The following PHF13 variants were observed in gnomAD, a reference collection of about 807,000 sequenced individuals.
The protein encoded by PHF13 is PHD finger protein 13, also known as PHD zinc finger protein PHF5.
A neutral mutation model predicts 25.8 loss-of-function variants in PHF13; 1 was observed. That is an observed-to-expected ratio of 0.04 (90% CI 0.01 to 0.18). PHF13 has a LOEUF of 0.18. PHF13 is among the 10% of genes least tolerant of loss of function. The pLI is 1.00. For synonymous variants in PHF13, 195 were observed against 162.4 expected, an observed-to-expected ratio of 1.20 and a Z score of -1.53; for missense variants, 306 against 403.2, an observed-to-expected ratio of 0.76 and a Z score of 2.06.
rs944011689 is a variant in PHF13, at chr1:6,621,649, C to T, written c.*12C>T. The T allele has an allele frequency of 2.9e-5, 47 of 1,613,324 alleles. No homozygotes were observed. Among genetic ancestry groups the T allele is most frequent in the Non-Finnish European group, 3.6e-5 (42 of 1,179,482 alleles). ...TGTTCCTGGACTGACTGCTGGCTGG[C>T]GAGGAGGCTGCGAGCGTGGAATCGG... On this transcript the variant is annotated 3_prime_UTR_variant, in exon 4 of 4. Transcript: ENST00000377648. This position sits in a 1 kb window ranked among gnomAD's most constrained non-coding sequence, Gnocchi z 4.8.
At chr1:6,614,944 G>A (rs1380012160) in intron 1 of PHF13, among the ~76,000 whole-genome samples, 17 of 150,684 alleles carry the variant, frequency 1.1e-4, no homozygotes, top group Admixed American at 1.1e-3. Flanking sequence ...CGCCGGTCTC[G>A]CTGCCGCCCC....
intron 1 of PHF13, chr1:6,614,372 C>T (rs1323410394): frequency 8.7e-6 from 4 of 461,968 alleles, no homozygotes; most frequent in African/African-American, 4.2e-5. Context: ...ATTTCTCTCC[C>T]CCGGGCCGCC....
At position 6,613,900 on chromosome 1, in the gene PHF13, G is replaced by A; in HGVS notation, c.-167G>A. On this transcript the variant is annotated 5_prime_UTR_variant, in exon 1 of 4. Transcript: ENST00000377648. Reference sequence around the variant, plus strand: ...GTGGAACCGCCAGTCCGGGGTCACAGAGCTTGAGAAGCGACGCGCTGAGCC... The same window carrying A: ...GTGGAACCGCCAGTCCGGGGTCACAAAGCTTGAGAAGCGACGCGCTGAGCC... 1 of 530,970 alleles carries A rather than the reference G, an allele frequency of 1.9e-6. No homozygotes were observed. Among genetic ancestry groups the A allele is most frequent in the Non-Finnish European group, 3.3e-6 (1 of 304,916 alleles). 32.9% of individuals were successfully genotyped at this position (530,970 alleles called of 1,614,324 possible).
Position 6,613,975 on chromosome 1 carries a change from G to T in PHF13, c.-92G>T, listed in dbSNP as rs565720074. ...CCCCTCCCGGGTCCGCCCTCGCCCT[G>T]CGCAGCCGCCCGAGCCCCCAGCCCC... On this transcript the variant is annotated 5_prime_UTR_variant, in exon 1 of 4. Coordinates refer to ENST00000377648, the MANE Select transcript of PHF13 (RefSeq NM_153812.3). 2.2e-6 allele frequency: 2 copies of T among 898,656 alleles called. No individual in the cohort carries two copies. Among genetic ancestry groups the T allele is most frequent in the African/African-American group, 1.8e-5 (1 of 55,870 alleles). 55.7% of individuals were successfully genotyped at this position (898,656 alleles called of 1,614,324 possible).
rs1431495398 is a variant in PHF13, at chr1:6,623,183, C to G, written c.*1546C>G. 1 of 152,236 alleles carries G rather than the reference C, an allele frequency of 6.6e-6. No individual in the cohort carries two copies. Among genetic ancestry groups the G allele is most frequent in the Non-Finnish European group, 1.5e-5 (1 of 68,040 alleles). 9.4% of individuals were successfully genotyped at this position (152,236 alleles called of 1,614,324 possible). On this transcript the variant is annotated 3_prime_UTR_variant, in exon 4 of 4. Transcript: ENST00000377648. ...CTTCTCCCACTGAAGCACCAAGGGG[C>G]TTGAACCGTAATTTGGCTAATCAGA...
chr1:6,617,148 G>A (rs945417357), intron 2 of PHF13, among the ~76,000 whole-genome samples: 1 of 152,198 alleles, frequency 6.6e-6, no homozygotes, highest in African/African-American at 2.4e-5. Context: ...TGTCGCCCAG[G>A]CTGGAGTGCA....
intron 1 of PHF13, chr1:6,614,539 G>A (rs2148708587): frequency 6.2e-6 from 1 of 160,846 alleles, no homozygotes; most frequent in African/African-American, 2.4e-5. Flanking sequence ...CCTCGGACCG[G>A]GGTCGGCTCC....
rs1297189226 is a variant in PHF13 at position 6,616,770 on chromosome 1, G to C, written c.53G>C (p.Ser18Thr). ...TCCCCTTAATAGGAATACTCCCCCA[G>C]TTGCAAGAGGCGCAGGACCGTGGAA... ...AAFHPEEYSP[S>T]CKRRRTVEDF... The change falls in exon 2 of 4, where the codon AGT becomes ACT. Residue 18 changes from serine (S) to threonine (T), a missense_variant. Ser to Thr is a moderately conservative substitution (Grantham distance 58). Around this residue, in one of 5 missense-constraint regions of PHF13, gnomAD observed 31 missense variants for 23.9 expected, o/e 1.30. Coordinates refer to ENST00000377648, the MANE Select transcript of PHF13 (RefSeq NM_153812.3). 1.2e-6 allele frequency: 2 copies of C among 1,613,946 alleles called. No individual in the cohort carries two copies. The highest frequency in any genetic ancestry group is 1.7e-6 in the Non-Finnish European group (2 of 1,179,952).
rs1336920146 is a variant in PHF13, at chr1:6,621,309, A to C, written c.677-102A>C. 6.6e-6 allele frequency: 8 copies of C among 1,216,772 alleles called. No individual in the cohort carries two copies. The highest frequency in any genetic ancestry group is 1.9e-4 in the Middle Eastern group (1 of 5,340). The allele number at this position is 1,216,772 out of a possible 1,614,324, so 75.4% of individuals were successfully genotyped here. ...GTGTCAGCTTCGAGTGGCAGTTGGA[A>C]GTGTTCTCGTCAGTAGAGTTAATGG... On this transcript the variant is annotated intron_variant, in intron 3 of 3. Transcript: ENST00000377648. This position sits in a 1 kb window ranked among gnomAD's most constrained non-coding sequence, Gnocchi z 4.8.
At chr1:6,616,061 G>T (rs887092056) in intron 1 of PHF13, among the ~76,000 whole-genome samples, 1 of 121,986 alleles carries the variant, frequency 8.2e-6, no homozygotes, top group Non-Finnish European at 1.6e-5. Flanking sequence ...TGGAATCTTA[G>T]CTCTGTCTAC....
Position 6,616,613 on chromosome 1 carries a change from C to A in PHF13, c.40-144C>A, listed in dbSNP as rs527796666. The A allele has an allele frequency of 2.1e-5, 14 of 667,804 alleles. No individual in the cohort carries two copies. In the Admixed American group the frequency reaches 3.1e-4, roughly 15 times the overall value. 41.4% of individuals were successfully genotyped at this position (667,804 alleles called of 1,614,324 possible). On this transcript the variant is annotated intron_variant, in intron 1 of 3. Transcript: ENST00000377648. ...GTGTTATTTCTTGACCTGAACTTAC[C>A]GTATCTTGTTTGTGGACTGTGTAAA... is the stretch of plus-strand genomic sequence containing the variant.
chr1:6,616,942 T>G, intron 2 of PHF13, 84 bp downstream of exon 2: 1 of 1,150,880 alleles, frequency 8.7e-7, no homozygotes, highest in Middle Eastern at 1.9e-4. Flanking sequence ...TTCTGACTGG[T>G]CAGAGGGTCA....
At chr1:6,615,471 C>G (rs1469885985) in intron 1 of PHF13, among the ~76,000 whole-genome samples, 2 of 152,128 alleles carry the variant, frequency 1.3e-5, no homozygotes, top group South Asian at 4.1e-4. Flanking sequence ...TTTCTAAGGG[C>G]ACCGACTTTC....
Position 6,613,977 on chromosome 1 carries a change from G to T in PHF13, c.-90G>T. The stretch of plus-strand genomic sequence containing the variant: ...CCTCCCGGGTCCGCCCTCGCCCTGC[G>T]CAGCCGCCCGAGCCCCCAGCCCCGG... On this transcript the variant is annotated 5_prime_UTR_variant, in exon 1 of 4. Coordinates refer to ENST00000377648, the MANE Select transcript of PHF13 (RefSeq NM_153812.3). 1.1e-6 allele frequency: 1 copy of T among 911,240 alleles called. No individual in the cohort carries two copies. Among genetic ancestry groups the T allele is most frequent in the South Asian group, 1.5e-5 (1 of 66,112 alleles). The allele number at this position is 911,240 out of a possible 1,614,324, so 56.4% of individuals were successfully genotyped here.
rs544314417 is a variant in PHF13, at chr1:6,620,739, G to C, written c.676+402G>C. The stretch of plus-strand genomic sequence containing the variant: ...TGTCACTGCAAAAATACAAAAAAAG[G>C]CTGGGCGCAGTGGCTCATGCCTGTA... On this transcript the variant is annotated intron_variant, in intron 3 of 3. Coordinates refer to ENST00000377648, the MANE Select transcript of PHF13 (RefSeq NM_153812.3). Among the ~76,000 whole-genome samples the C allele has an allele frequency of 2.6e-4, 39 of 152,086 alleles. 1 individual carries two copies. The highest frequency in any genetic ancestry group is 5.4e-4 in the Non-Finnish European group (37 of 68,014).
In PHF13 at chr1:6,619,852, C is replaced by A; in HGVS notation, c.191C>A (p.Thr64Asn). 6.2e-7 allele frequency: 1 copy of A among 1,613,480 alleles called. No homozygotes were observed. Among genetic ancestry groups the A allele is most frequent in the Non-Finnish European group, 8.5e-7 (1 of 1,179,920 alleles). ...AGCCCTGCTAACAGCACTGCTGGTA[C>A]CATTGACAGCGACGGCTGGGACGCG... ...SPSPANSTAG[T>N]IDSDGWDAGF... Residue 64 changes from threonine to asparagine, a missense_variant, in exon 3 of 4, where the codon ACC (threonine) becomes AAC (asparagine). This residue lies in a region of PHF13 where 36 missense variants were observed against 76.0 expected (regional missense o/e 0.47). Transcript: ENST00000377648.
chr1:6,622,010 G>A lies in PHF13; in HGVS notation c.*373G>A, dbSNP rs532692394. ...TGTTATTCTGCTTCCACTGTGTTGG[G>A]GAGAGGTGTTCGGTTTCCCCAGCCT... On this transcript the variant is annotated 3_prime_UTR_variant, in exon 4 of 4. Transcript: ENST00000377648. 26 of 331,190 alleles carry A rather than the reference G, an allele frequency of 7.9e-5. No homozygotes were observed. Among genetic ancestry groups the A allele is most frequent in the South Asian group, 7.6e-4 (26 of 34,046 alleles). 20.5% of individuals were successfully genotyped at this position (331,190 alleles called of 1,614,324 possible).
rs1047129655 is a variant in PHF13 at position 6,621,320 on chromosome 1, CAGT to C, written c.677-88_677-86del. 140 of 1,361,552 alleles carry C rather than the reference CAGT, an allele frequency of 1.0e-4. No individual in the cohort carries two copies. The African/African-American group carries it at 2.0e-3, about 19-fold the overall frequency. 84.3% of individuals were successfully genotyped at this position (1,361,552 alleles called of 1,614,324 possible). ...GAGTGGCAGTTGGAAGTGTTCTCGT[CAGT>C]AGAGTTAATGGGTTTCATGGAAGCC... is the stretch of plus-strand genomic sequence containing the variant. On this transcript the variant is annotated intron_variant, in intron 3 of 3. Coordinates refer to ENST00000377648, the MANE Select transcript of PHF13 (RefSeq NM_153812.3). This position sits in a 1 kb window ranked among gnomAD's most constrained non-coding sequence, Gnocchi z 4.8.
chr1:6,623,101 G>T lies in PHF13; in HGVS notation c.*1464G>T, dbSNP rs370174099. The T allele has an allele frequency of 2.0e-5, 3 of 152,224 alleles. No homozygotes were observed. The highest frequency in any genetic ancestry group is 7.2e-5 in the African/African-American group (3 of 41,450). The allele number at this position is 152,224 out of a possible 1,614,324, so 9.4% of individuals were successfully genotyped here. A position where few individuals can be genotyped will look rare whatever the true frequency, so the allele number is the denominator to read the frequency against. On this transcript the variant is annotated 3_prime_UTR_variant, in exon 4 of 4. Coordinates refer to ENST00000377648, the MANE Select transcript of PHF13 (RefSeq NM_153812.3). ...GGATGGGCCCGCGTTCTCACTGCTG[G>T]GGGCTTCCCCTTCATGTGGCACCTT...
Sources: allele counts gnomAD v4.1 joint callset (sites outside exome capture counted in the v4.1 genomes callset), GRCh38; gene constraint gnomAD v4.1.1; regional missense constraint gnomAD v4.1.1; non-coding constraint Gnocchi (gnomAD v3.1); transcripts MANE v1.5; gene names NCBI Gene and HGNC (gene_info 2026-07-23, HGNC 2026-07-21).